TNFSF4: variants seen among roughly 807,000 people sequenced by gnomAD.
TNFSF4 encodes the protein TNF superfamily member 4.
In TNFSF4, 4 loss-of-function variants were observed where a neutral mutation model predicts 7.3. The ratio of observed to expected loss-of-function variants is 0.55; its 90% CI spans 0.27 to 1.25. The LOEUF (loss-of-function observed/expected upper bound fraction) is 1.25, where lower values mean the gene tolerates loss of function less well. Ranked by LOEUF, TNFSF4 falls within the 50% of genes most tolerant of loss-of-function variation. The pLI is 0.12. For missense variants in TNFSF4, 181 were observed against 208.8 expected, an observed-to-expected ratio of 0.87 and a Z score of 0.82; for synonymous variants, 76 against 83.7, an observed-to-expected ratio of 0.91 and a Z score of 0.50.
the TNFSF4 span, among the ~76,000 whole-genome samples, chr1:173,273,663 A>G: frequency 2.0e-5 from 3 of 152,094 alleles, no homozygotes; most frequent in Admixed American, 1.3e-4. Context: ...AATATTTAAA[A>G]TTAGACCATA....
chr1:173,393,116 A>G, the TNFSF4 span, among the ~76,000 whole-genome samples: 2 of 152,188 alleles, frequency 1.3e-5, no homozygotes, highest in East Asian at 3.8e-4. Context: ...CTGAATAGCC[A>G]GAGACGTAGA....
chr1:173,239,785 C>T, the TNFSF4 span, among the ~76,000 whole-genome samples: 1 of 152,170 alleles, frequency 6.6e-6, no homozygotes. Flanking sequence ...AATCCCAGCA[C>T]TTTGGGAGGC....
chr1:173,358,893 C>T, the TNFSF4 span, among the ~76,000 whole-genome samples: 7 of 152,186 alleles, frequency 4.6e-5, no homozygotes, highest in South Asian at 1.2e-3. Context: ...ATAGGTCTTA[C>T]TTTTGATGGA....
chr1:173,195,755 A>T (rs1262865036), intron 1 of TNFSF4, among the ~76,000 whole-genome samples: 1 of 152,204 alleles, frequency 6.6e-6, no homozygotes, highest in Non-Finnish European at 1.5e-5. Context: ...TGGGCTCTGC[A>T]CTCACTATAC....
the TNFSF4 span, among the ~76,000 whole-genome samples, chr1:173,316,009 G>C: frequency 0.029 from 4,389 of 152,080 alleles, 407 homozygotes; most frequent in East Asian, 0.21. Flanking sequence ...TTTTCCAGTA[G>C]TTTCATGGTT....
the TNFSF4 span, among the ~76,000 whole-genome samples, chr1:173,410,122 G>A: frequency 2.7e-3 from 409 of 152,130 alleles, no homozygotes; most frequent in African/African-American, 6.9e-3. Context: ...AAAATGAGGC[G>A]GGAGGATCAC....
the TNFSF4 span, among the ~76,000 whole-genome samples, chr1:173,249,233 A>G: frequency 1.2e-4 from 19 of 152,226 alleles, 1 homozygote; most frequent in Admixed American, 1.2e-3. Flanking sequence ...CAGAGGCAGA[A>G]AGAGGTAAGC....
chr1:173,379,369 C>A, the TNFSF4 span, among the ~76,000 whole-genome samples: 2 of 152,226 alleles, frequency 1.3e-5, no homozygotes, highest in East Asian at 3.9e-4. Flanking sequence ...TTCTCCCTCT[C>A]TGATTTAAAG....
the TNFSF4 span, among the ~76,000 whole-genome samples, chr1:173,242,061 A>C: frequency 6.6e-6 from 1 of 152,208 alleles, no homozygotes; most frequent in South Asian, 2.1e-4. Context: ...AGAGTTTCAC[A>C]ATGAGAAGTC....
the TNFSF4 span, among the ~76,000 whole-genome samples, chr1:173,369,371 G>C: frequency 6.6e-6 from 1 of 152,210 alleles, no homozygotes; most frequent in Non-Finnish European, 1.5e-5. Flanking sequence ...TGTGGTCTAA[G>C]AGGAAAGGCA....
chr1:173,264,645 C>T, the TNFSF4 span, among the ~76,000 whole-genome samples: 3 of 152,166 alleles, frequency 2.0e-5, no homozygotes, highest in African/African-American at 7.2e-5. Flanking sequence ...GCAAAGCAAA[C>T]AAACTTTCTG....
chr1:173,412,677 T>G, the TNFSF4 span, among the ~76,000 whole-genome samples: 1 of 152,224 alleles, frequency 6.6e-6, no homozygotes, highest in Non-Finnish European at 1.5e-5. Context: ...TTACATATTA[T>G]TCCATTCATA....
the TNFSF4 span, among the ~76,000 whole-genome samples, chr1:173,393,035 G>A: frequency 6.6e-6 from 1 of 152,142 alleles, no homozygotes. Flanking sequence ...AGGATACAAG[G>A]GAGACGTGAA....
chr1:173,183,371 T>C (rs16845534), downstream of TNFSF4, among the ~76,000 whole-genome samples: 5,142 of 152,276 alleles, frequency 0.034, 274 homozygotes, highest in African/African-American at 0.12. Context: ...AACCCATTAA[T>C]AGTTGTGACC....
the TNFSF4 span, among the ~76,000 whole-genome samples, chr1:173,358,201 T>C: frequency 6.6e-6 from 1 of 152,180 alleles, no homozygotes; most frequent in Non-Finnish European, 1.5e-5. Context: ...GGGCAGCTTC[T>C]TGAAGCTAGA....
chr1:173,373,292 T>G, the TNFSF4 span, among the ~76,000 whole-genome samples: 1 of 152,130 alleles, frequency 6.6e-6, no homozygotes, highest in South Asian at 2.1e-4. Flanking sequence ...AAGGAAACCA[T>G]CGGGCAGATG....
chr1:173,378,698 G>A, the TNFSF4 span, among the ~76,000 whole-genome samples: 106,699 of 152,038 alleles, frequency 0.7, 37,608 homozygotes, highest in African/African-American at 0.78. Flanking sequence ...TTTTCATCGA[G>A]GGAGAATACA....
the TNFSF4 span, among the ~76,000 whole-genome samples, chr1:173,232,182 G>A: frequency 7.2e-5 from 11 of 151,962 alleles, no homozygotes; most frequent in African/African-American, 1.9e-4. Flanking sequence ...GAGGTCCTTC[G>A]TGTCCCTTGT....
chr1:173,349,821 A>G, the TNFSF4 span, among the ~76,000 whole-genome samples: 1 of 152,252 alleles, frequency 6.6e-6, no homozygotes, highest in Non-Finnish European at 1.5e-5. Flanking sequence ...ATACACATGT[A>G]TAAAAGGATG....
Sources: gnomAD v4.1 joint callset for allele counts (sites outside exome capture counted in the v4.1 genomes callset) on GRCh38, gnomAD v4.1.1 for gene constraint, MANE v1.5 for transcripts, NCBI Gene and HGNC (gene_info 2026-07-23, HGNC 2026-07-21) for gene names.